Variants in PDE3A observed in about 807,000 individuals in gnomAD.
PDE3A encodes phosphodiesterase 3A.
A neutral mutation model predicts 98.3 loss-of-function variants in PDE3A; 43 were observed. The ratio of observed to expected loss-of-function variants is 0.44; its 90% confidence interval spans 0.34 to 0.56. PDE3A has a LOEUF of 0.56. PDE3A is among the 20% of genes least tolerant of loss of function. PDE3A has a pLI of 0.01. For synonymous variants in PDE3A, 663 were observed against 567.9 expected (o/e 1.17, Z -2.38); for missense variants, 1,427 against 1,440.7 (o/e 0.99, Z 0.15).
Position 20,616,237 on chromosome 12 carries a change from G to A in PDE3A, c.1277G>A (p.Arg426Lys). 1 of 1,613,830 alleles carries A rather than the reference G, an allele frequency of 6.2e-7. No individual in the cohort carries two copies. Among genetic ancestry groups the A allele is most frequent in the Non-Finnish European group, 8.5e-7 (1 of 1,179,856 alleles). ...KDKLAIPKRL[R>K]RSLPPGLLRR... ...GTCAAGTCTCTTTCCTAGCGCCTGAGAAGGAGTTTGCCTCCTGGCTTGTTG... is the reference window on the plus strand; with the variant it reads ...GTCAAGTCTCTTTCCTAGCGCCTGAAAAGGAGTTTGCCTCCTGGCTTGTTG... The change falls in exon 4 of 16, where the codon AGA (arginine) becomes AAA (lysine). Residue 426 changes from arginine (R) to lysine (K), a missense_variant. Physicochemically the swap from Arg to Lys is conservative, Grantham distance 26. Transcript: ENST00000359062.
rs190660150 is a variant in PDE3A at position 20,473,724 on chromosome 12, G to T, written c.961-82936G>T. ...TGTTTATTTTTGTCTATTTTTGAAC[G>T]CGTTAGAATCATACTGTGTTTCTTC... On this transcript the variant is annotated intron_variant, in intron 1 of 15. Coordinates refer to ENST00000359062, the MANE Select transcript of PDE3A (RefSeq NM_000921.5). Among the ~76,000 whole-genome samples, 32 of 151,826 alleles carry T rather than the reference G, an allele frequency of 2.1e-4. No individual in the cohort carries two copies. The East Asian group carries it at 5.0e-3, about 24-fold the overall frequency.
chr12:20,433,667 T>A (rs892913348), intron 1 of PDE3A, among the ~76,000 whole-genome samples: 1 of 152,160 alleles, frequency 6.6e-6, no homozygotes, highest in Non-Finnish European at 1.5e-5. Context: ...CAGCATACGT[T>A]TTTTAAAAAA....
At chr12:20,670,694 A>G (rs994130666) in intron 15 of PDE3A, among the ~76,000 whole-genome samples, 1 of 145,444 alleles carries the variant, frequency 6.9e-6, no homozygotes, top group African/African-American at 2.7e-5. Flanking sequence ...GACGCATTCA[A>G]AGCAGTGTGT....
intron 1 of PDE3A, among the ~76,000 whole-genome samples, chr12:20,405,917 C>T (rs73235862): frequency 0.026 from 3,898 of 152,286 alleles, 143 homozygotes; most frequent in African/African-American, 0.088. Flanking sequence ...TTGACAATCA[C>T]CATTCTACCC....
At chr12:20,378,695 A>G (rs1446277002) in intron 1 of PDE3A, among the ~76,000 whole-genome samples, 1 of 151,776 alleles carries the variant, frequency 6.6e-6, no homozygotes, top group Non-Finnish European at 1.5e-5. Context: ...TAGCTGAAGA[A>G]TGAAATGTCA....
At chr12:20,438,863 G>A (rs571611440) in intron 1 of PDE3A, among the ~76,000 whole-genome samples, 2 of 151,910 alleles carry the variant, frequency 1.3e-5, no homozygotes, top group East Asian at 1.9e-4. Flanking sequence ...AGGTTCAAGC[G>A]ATTCTCCTGC....
intron 1 of PDE3A, among the ~76,000 whole-genome samples, chr12:20,462,790 C>G (rs1045826737): frequency 6.6e-5 from 10 of 151,724 alleles, no homozygotes; most frequent in African/African-American, 9.7e-5. Flanking sequence ...AAAGTAAAAG[C>G]TATACTTTTT....
Position 20,368,807 on chromosome 12 carries a change from C to T in PDE3A, c.-478C>T, listed in dbSNP as rs1016008897. Among the ~76,000 whole-genome samples, 3 of 151,894 alleles carry T rather than the reference C, an allele frequency of 2.0e-5. No homozygotes were observed. The highest frequency in any genetic ancestry group is 1.5e-5 in the Non-Finnish European group (1 of 67,938). ...CTGCCGCGGGCCCGGCGCGCTGCAG[C>T]GCAGCGCAGCGCCGAGCTGCGCCTC... On this transcript the variant is annotated 5_prime_UTR_variant, in exon 1 of 16. Transcript: ENST00000359062.
At chr12:20,459,565 A>G (rs1945212760) in intron 1 of PDE3A, among the ~76,000 whole-genome samples, 1 of 152,200 alleles carries the variant, frequency 6.6e-6, no homozygotes, top group Non-Finnish European at 1.5e-5. Flanking sequence ...AAAATAATGT[A>G]TAATTTCACC....
intron 1 of PDE3A, among the ~76,000 whole-genome samples, chr12:20,381,414 T>C (rs900033035): frequency 2.0e-5 from 3 of 151,824 alleles, no homozygotes; most frequent in African/African-American, 7.3e-5. Flanking sequence ...TTTCAAAAAA[T>C]ATTTTATGGT....
chr12:20,531,551 T>A (rs1941598666), intron 1 of PDE3A, among the ~76,000 whole-genome samples: 1 of 152,124 alleles, frequency 6.6e-6, no homozygotes, highest in South Asian at 2.1e-4. Context: ...ACGGTAGTTG[T>A]GATAAGACAG....
At chr12:20,641,799 A>C (rs1944652605) in intron 10 of PDE3A, among the ~76,000 whole-genome samples, 1 of 152,148 alleles carries the variant, frequency 6.6e-6, no homozygotes, top group African/African-American at 2.4e-5. Flanking sequence ...CCCCTGAAAT[A>C]GTGGGTTCTT....
chr12:20,421,598 T>TAA (rs35898103), intron 1 of PDE3A, among the ~76,000 whole-genome samples: 6,260 of 114,932 alleles, frequency 0.054, 393 homozygotes, highest in African/African-American at 0.16. Context: ...TTATTGGTAA[T>TAA]AAAAAAAAAA....
At chr12:20,589,409 G>C (rs1309330796) in intron 2 of PDE3A, among the ~76,000 whole-genome samples, 1 of 152,112 alleles carries the variant, frequency 6.6e-6, no homozygotes, top group African/African-American at 2.4e-5. Context: ...GGTGACCTAA[G>C]CTATGTTACC....
At chr12:20,654,235 T>G (rs768158212) in intron 15 of PDE3A, 30 bp downstream of exon 15, 1 of 1,605,322 alleles carries the variant, frequency 6.2e-7, no homozygotes, top group Non-Finnish European at 8.5e-7. Flanking sequence ...TCTAATGTGT[T>G]TTCCCTGGGA....
intron 15 of PDE3A, among the ~76,000 whole-genome samples, chr12:20,670,033 G>A (rs1459068674): frequency 6.7e-6 from 1 of 150,046 alleles, no homozygotes; most frequent in East Asian, 2.0e-4. Context: ...ACAAAAAAAG[G>A]CAGGGATTGC....
chr12:20,626,024 G>T (rs949244381), intron 5 of PDE3A, among the ~76,000 whole-genome samples: 2 of 151,996 alleles, frequency 1.3e-5, no homozygotes, highest in Non-Finnish European at 2.9e-5. Flanking sequence ...TTCACTCATG[G>T]GTGAGTGTGT....
chr12:20,628,885 C>T (rs1012256372), intron 5 of PDE3A, among the ~76,000 whole-genome samples: 4 of 152,202 alleles, frequency 2.6e-5, no homozygotes, highest in African/African-American at 9.7e-5. Context: ...AAGCTGGATC[C>T]TGGAAGCAAA....
Position 20,369,291 on chromosome 12 carries a change from G to A in PDE3A, c.7G>A (p.Val3Met). MA[V>M]PGDAARVRDK... Reference sequence around the variant, plus strand: ...GAAGAGGGCACCCTATACCATGGCAGTGCCCGGCGACGCTGCACGAGTCAG... The same window carrying A: ...GAAGAGGGCACCCTATACCATGGCAATGCCCGGCGACGCTGCACGAGTCAG... The change falls in exon 1 of 16, where the codon GTG becomes ATG. Residue 3 changes from valine (V) to methionine (M), a missense_variant. Coordinates refer to ENST00000359062, the MANE Select transcript of PDE3A (RefSeq NM_000921.5). 2.0e-6 allele frequency: 3 copies of A among 1,517,800 alleles called. No individual in the cohort carries two copies. Among genetic ancestry groups the A allele is most frequent in the Middle Eastern group, 1.9e-4 (1 of 5,354 alleles). The allele number at this position is 1,517,800 out of a possible 1,614,324, so 94.0% of individuals were successfully genotyped here. A position where few individuals can be genotyped will look rare whatever the true frequency, so the allele number is the denominator to read the frequency against.
Sources: gnomAD v4.1 joint callset for allele counts (sites outside exome capture counted in the v4.1 genomes callset) on GRCh38, gnomAD v4.1.1 for gene constraint, MANE v1.5 for transcripts, NCBI Gene and HGNC (gene_info 2026-07-23, HGNC 2026-07-21) for gene names.